The following TET3 variants were observed in gnomAD, a reference collection of about 807,000 sequenced individuals.
TET3 encodes tet methylcytosine dioxygenase 3.
TET3 carries 19 observed loss-of-function variants against 141.4 expected under a neutral mutation model. The observed-to-expected ratio is 0.13, with a 90% CI of 0.09 to 0.20. The LOEUF is 0.20. Among genes scored for constraint, TET3 ranks in the 10% least tolerant of loss-of-function variants. The probability of loss-of-function intolerance (pLI) is 1.00; values close to 1 mark genes in which losing one functional copy is unlikely to be tolerated. For synonymous variants in TET3, 1,043 were observed against 980.9 expected, an observed-to-expected ratio of 1.06 and a Z score of -1.18; for missense variants, 1,874 against 2,356.9, an observed-to-expected ratio of 0.80 and a Z score of 4.24.
Position 74,093,541 on chromosome 2 carries a change from G to A in TET3, c.3142G>A (p.Glu1048Lys). Reference protein sequence around the residue: ...QAYQNQVTNEEIAIDCRLGLK... With the variant: ...QAYQNQVTNEKIAIDCRLGLK... ...GCTGTCTACACAGGTGACCAACGAG[G>A]AAATAGCGATTGACTGCCGTCTGGG... Residue 1048 changes from glutamate to lysine, a missense_variant, in exon 10 of 12, where the codon GAA becomes AAA. Around this residue, in one of 10 missense-constraint regions of TET3, gnomAD observed 126 missense variants for 327.4 expected, o/e 0.38. Coordinates refer to ENST00000409262, the MANE Select transcript of TET3 (RefSeq NM_001287491.2). This position sits in a 1 kb window ranked among gnomAD's most constrained non-coding sequence, Gnocchi z 4.2. The A allele has an allele frequency of 6.2e-7, 1 of 1,611,010 alleles. No individual in the cohort carries two copies. The highest frequency in any genetic ancestry group is 8.5e-7 in the Non-Finnish European group (1 of 1,178,156).
At chr2:74,085,382 T>C (rs1690067176) in intron 6 of TET3, among the ~76,000 whole-genome samples, 1 of 152,186 alleles carries the variant, frequency 6.6e-6, no homozygotes, top group African/African-American at 2.4e-5. Context: ...CGGCCCACCT[T>C]CCTCATTTGT....
chr2:74,093,050 T>G lies in TET3; in HGVS notation c.3129+59T>G, dbSNP rs369414409. On this transcript the variant is annotated intron_variant, in intron 9 of 11. Transcript: ENST00000409262. The surrounding 1 kb of genome is among the most constrained non-coding windows in gnomAD (Gnocchi z 4.2). ...TCACCGTCCACATCTCTGCTCAGGC[T>G]CTGAAGGTGGGAAGTGGGAGAGTGG... is the stretch of plus-strand genomic sequence containing the variant. 1.6e-4 allele frequency: 234 copies of G among 1,481,678 alleles called. 1 individual carries two copies. Among genetic ancestry groups the G allele is most frequent in the Middle Eastern group, 1.5e-3 (9 of 5,866 alleles). 91.8% of individuals were successfully genotyped at this position (1,481,678 alleles called of 1,614,324 possible). A position where few individuals can be genotyped will look rare whatever the true frequency, so the allele number is the denominator to read the frequency against.
chr2:74,078,284 C>T (rs1689623556), intron 5 of TET3, among the ~76,000 whole-genome samples: 1 of 151,920 alleles, frequency 6.6e-6, no homozygotes, highest in Admixed American at 6.6e-5. Context: ...ACGAATAAAG[C>T]GCTAAAGTTC....
the TET3 span, chr2:74,130,724 C>G: frequency 1.3e-5 from 2 of 152,226 alleles, no homozygotes; most frequent in African/African-American, 4.8e-5. Flanking sequence ...TGGATACAGC[C>G]GGCCTGAGGG....
intron 3 of TET3, among the ~76,000 whole-genome samples, chr2:74,043,571 A>G (rs933902013): frequency 6.6e-6 from 1 of 152,196 alleles, no homozygotes; most frequent in Non-Finnish European, 1.5e-5. Context: ...AAGAGGTGAC[A>G]CTGAGCTGAT....
intron 4 of TET3, among the ~76,000 whole-genome samples, chr2:74,065,437 A>T (rs1364637300): frequency 4.5e-4 from 68 of 152,070 alleles, no homozygotes; most frequent in Admixed American, 4.5e-3. Flanking sequence ...ACCCCAGATC[A>T]TTCTTTGATC....
Position 74,048,524 on chromosome 2 carries a change from A to G in TET3, c.2494+113A>G, listed in dbSNP as rs1687771002. On this transcript the variant is annotated intron_variant, in intron 4 of 11. Coordinates refer to ENST00000409262, the MANE Select transcript of TET3 (RefSeq NM_001287491.2). ...AACATTTATTTGTGCCAACTGCCAC[A>G]CTGGGTTCTGGGAACACAGAAATGA... 3 of 1,174,618 alleles carry G rather than the reference A, an allele frequency of 2.6e-6. No homozygotes were observed. The East Asian group carries it at 7.7e-5, about 30-fold the overall frequency. The allele number at this position is 1,174,618 out of a possible 1,614,324, so 72.8% of individuals were successfully genotyped here. A position where few individuals can be genotyped will look rare whatever the true frequency, so the allele number is the denominator to read the frequency against.
chr2:74,050,868 A>G (rs146392329), intron 4 of TET3, among the ~76,000 whole-genome samples: 139 of 145,968 alleles, frequency 9.5e-4, no homozygotes, highest in Non-Finnish European at 1.6e-3. Context: ...TTACTTAAGG[A>G]AAAAAAAAAA....
At chr2:74,030,261 A>T in intron 3 of TET3, among the ~76,000 whole-genome samples, 1 of 152,268 alleles carries the variant, frequency 6.6e-6, no homozygotes, top group East Asian at 1.9e-4. Context: ...TTTTAAAAAA[A>T]CTACCTAGTT....
downstream of TET3, among the ~76,000 whole-genome samples, chr2:74,110,119 G>C (rs1383512829): frequency 6.6e-6 from 1 of 152,098 alleles, no homozygotes; most frequent in East Asian, 1.9e-4. Flanking sequence ...CAAAGCTTTA[G>C]ATCACTAAGG....
chr2:74,118,642 T>C, the TET3 span, among the ~76,000 whole-genome samples: 1 of 152,174 alleles, frequency 6.6e-6, no homozygotes, highest in Non-Finnish European at 1.5e-5. Flanking sequence ...ACTGACATTG[T>C]TCAAAAGTCA....
At position 74,047,286 on chromosome 2, in the gene TET3, C is replaced by T. The variant is rs911774440; in HGVS notation, c.1369C>T (p.Pro457Ser). ...CTCCTGGCCCATGCCTCGCCCAAGC[C>T]CCGATCCCATGGCTGAACTGGAGCA... ...RSSWPMPRPS[P>S]DPMAELEQLL... Residue 457 changes from proline to serine, a missense_variant, in exon 4 of 12, where the codon CCC becomes TCC. Transcript: ENST00000409262. The T allele has an allele frequency of 4.3e-6, 7 of 1,613,902 alleles. No individual in the cohort carries two copies. The Admixed American group carries it at 8.3e-5, about 19-fold the overall frequency.
chr2:74,002,890 A>G, intron 2 of TET3: 1 of 577,316 alleles, frequency 1.7e-6, no homozygotes, highest in Non-Finnish European at 3.1e-6. Context: ...CAGAGGAGAA[A>G]TGAAAACAAA....
intron 4 of TET3, among the ~76,000 whole-genome samples, chr2:74,060,952 C>A (rs1688482718): frequency 6.6e-6 from 1 of 152,200 alleles, no homozygotes; most frequent in African/African-American, 2.4e-5. Context: ...ATTTCTCAAT[C>A]TTTTCCCCAC....
intron 3 of TET3, among the ~76,000 whole-genome samples, chr2:74,025,431 G>T (rs1024393989): frequency 4.9e-4 from 74 of 150,892 alleles, no homozygotes; most frequent in African/African-American, 1.8e-3. Flanking sequence ...GGGACCACAG[G>T]CACCCACCAC....
At chr2:74,017,824 C>T (rs1685813296) in intron 3 of TET3, among the ~76,000 whole-genome samples, 2 of 152,210 alleles carry the variant, frequency 1.3e-5, no homozygotes, top group African/African-American at 2.4e-5. Flanking sequence ...TGCTGTTTTC[C>T]GTAATGGCTG....
intron 4 of TET3, among the ~76,000 whole-genome samples, chr2:74,050,727 T>A (rs1687899758): frequency 6.6e-6 from 1 of 152,020 alleles, no homozygotes; most frequent in Admixed American, 6.5e-5. Flanking sequence ...TTTTTAAAAA[T>A]TTTTTGTGGA....
At chr2:74,084,027 T>G (rs1481126135) in intron 6 of TET3, among the ~76,000 whole-genome samples, 7 of 152,180 alleles carry the variant, frequency 4.6e-5, no homozygotes, top group African/African-American at 1.7e-4. Flanking sequence ...CGTAGAGAGT[T>G]CTAACTCAGT....
intron 2 of TET3, among the ~76,000 whole-genome samples, chr2:74,000,033 G>C (rs1684771635): frequency 6.6e-6 from 1 of 152,134 alleles, no homozygotes; most frequent in Non-Finnish European, 1.5e-5. Context: ...ATTACCACCG[G>C]GAGATGAGTG....
Sources: allele counts gnomAD v4.1 joint callset (sites outside exome capture counted in the v4.1 genomes callset), GRCh38; gene constraint gnomAD v4.1.1; regional missense constraint gnomAD v4.1.1; non-coding constraint Gnocchi (gnomAD v3.1); transcripts MANE v1.5; gene names NCBI Gene and HGNC (gene_info 2026-07-23, HGNC 2026-07-21).